The following MTUS1 variants were observed in gnomAD, a reference collection of about 807,000 sequenced individuals.
MTUS1 encodes the protein microtubule associated scaffold protein 1.
Under a neutral mutation model 120.8 loss-of-function variants are expected in MTUS1, and 109 were observed. The observed-to-expected ratio is 0.90, with a 90% CI of 0.77 to 1.06. The LOEUF is 1.06. MTUS1 is among the 50% of genes least tolerant of loss of function. The pLI, the probability that MTUS1 is intolerant of heterozygous loss-of-function variation, is 0.00. For synonymous variants in MTUS1, 737 were observed against 550.5 expected (o/e 1.34, Z -4.74); for missense variants, 2,210 against 1,486.3 (o/e 1.49, Z -8.01).
chr8:17,711,316 CT>C (rs1461145482), intron 6 of MTUS1, among the ~76,000 whole-genome samples: 1 of 152,214 alleles, frequency 6.6e-6, no homozygotes, highest in Non-Finnish European at 1.5e-5. Context: ...GTGTAGCCAC[CT>C]TTATCAAATG....
chr8:17,773,862 G>T (rs1172615553), intron 1 of MTUS1, among the ~76,000 whole-genome samples: 1 of 152,090 alleles, frequency 6.6e-6, no homozygotes, highest in Non-Finnish European at 1.5e-5. Context: ...CTTGGACACA[G>T]ATCTACACAT....
intron 7 of MTUS1, among the ~76,000 whole-genome samples, chr8:17,680,841 G>T (rs79810369): frequency 0.029 from 4,489 of 152,254 alleles, 163 homozygotes; most frequent in South Asian, 0.15. Flanking sequence ...CATGAAGGAA[G>T]GGTGGACTCC....
chr8:17,742,821 A>C (rs2047441749), intron 3 of MTUS1, among the ~76,000 whole-genome samples: 1 of 152,148 alleles, frequency 6.6e-6, no homozygotes, highest in Admixed American at 6.5e-5. Context: ...AAACATTCTC[A>C]CGTGTGTGGA....
At chr8:17,669,915 G>T (rs1329145541) in intron 8 of MTUS1, among the ~76,000 whole-genome samples, 1 of 152,198 alleles carries the variant, frequency 6.6e-6, no homozygotes, top group Non-Finnish European at 1.5e-5. Context: ...GATCCTGGCC[G>T]CAAGTGGAGT....
intron 6 of MTUS1, chr8:17,692,050 G>C (rs1020323851): frequency 6.6e-6 from 1 of 152,120 alleles, no homozygotes; most frequent in Non-Finnish European, 1.5e-5. Context: ...GCATAGAATA[G>C]AGAAAAAATA....
intron 7 of MTUS1, chr8:17,676,614 A>C: frequency 2.4e-6 from 1 of 416,574 alleles, no homozygotes; most frequent in Non-Finnish European, 4.2e-6. Flanking sequence ...CATTAGACTG[A>C]TCGATTGCCA....
At position 17,644,334 on chromosome 8, in the gene MTUS1, A is replaced by G. The variant is rs981655667; in HGVS notation, c.*1592T>C. On this transcript the variant is annotated 3_prime_UTR_variant, in exon 15 of 15. Coordinates refer to ENST00000693296, the MANE Select transcript of MTUS1 (RefSeq NM_001363059.2). Reference sequence around the variant, plus strand: ...TGTAGTGTACATGTAAATGACCCAAATATTCACCTCTAGCATCCTGAATCT... The same window carrying G: ...TGTAGTGTACATGTAAATGACCCAAGTATTCACCTCTAGCATCCTGAATCT... The G allele has an allele frequency of 2.0e-5, 3 of 152,656 alleles. No individual in the cohort carries two copies. Among genetic ancestry groups the G allele is most frequent in the African/African-American group, 7.2e-5 (3 of 41,452 alleles). The allele number at this position is 152,656 out of a possible 1,614,324, so 9.5% of individuals were successfully genotyped here.
intron 4 of MTUS1, among the ~76,000 whole-genome samples, chr8:17,720,269 C>T (rs1292390724): frequency 1.3e-5 from 2 of 151,252 alleles, no homozygotes; most frequent in East Asian, 2.0e-4. Flanking sequence ...TGCTTGAACC[C>T]GGGAGGCAGA....
chr8:17,700,570 C>T (rs1323199421), intron 6 of MTUS1, among the ~76,000 whole-genome samples: 1 of 150,244 alleles, frequency 6.7e-6, no homozygotes, highest in Non-Finnish European at 1.5e-5. Flanking sequence ...AGGATCTCAA[C>T]ATTAAACAAA....
intron 1 of MTUS1, among the ~76,000 whole-genome samples, chr8:17,772,904 G>A (rs2050123805): frequency 6.6e-6 from 1 of 152,144 alleles, no homozygotes; most frequent in Non-Finnish European, 1.5e-5. Flanking sequence ...AAGACTTGAA[G>A]ATTATATAAC....
chr8:17,771,617 A>G (rs1324153721), intron 1 of MTUS1, among the ~76,000 whole-genome samples: 1 of 152,224 alleles, frequency 6.6e-6, no homozygotes, highest in African/African-American at 2.4e-5. Flanking sequence ...AGATTGTCTG[A>G]ATCAGACACC....
intron 8 of MTUS1, among the ~76,000 whole-genome samples, chr8:17,657,319 A>G (rs983555993): frequency 2.0e-5 from 3 of 151,774 alleles, no homozygotes; most frequent in African/African-American, 4.8e-5. Flanking sequence ...CTGTAATCCC[A>G]GCACTTTGGG....
At chr8:17,752,708 T>A (rs1036422921) in intron 2 of MTUS1, among the ~76,000 whole-genome samples, 3 of 152,252 alleles carry the variant, frequency 2.0e-5, no homozygotes, top group African/African-American at 7.2e-5. Context: ...TCATTCCTCT[T>A]GCCACGAGCC....
intron 6 of MTUS1, among the ~76,000 whole-genome samples, chr8:17,709,321 A>G (rs1020571422): frequency 3.9e-5 from 6 of 152,090 alleles, no homozygotes; most frequent in Non-Finnish European, 8.8e-5. Context: ...CCTCTTGCCC[A>G]GGTTTCCCTC....
At chr8:17,721,829 G>C in intron 4 of MTUS1, 1 of 1,614,134 alleles carries the variant, frequency 6.2e-7, no homozygotes, top group Non-Finnish European at 8.5e-7. Flanking sequence ...GGTGGGGTGA[G>C]TGTAGAATTG....
At position 17,699,116 on chromosome 8, in the gene MTUS1, G is replaced by C. The variant is rs7008214; in HGVS notation, c.2623+14098C>G. 8.8e-3 allele frequency among the ~76,000 whole-genome samples: 1,341 copies of C among 152,216 alleles called. 23 individuals carry two copies. Among genetic ancestry groups the C allele is most frequent in the African/African-American group, 0.03 (1,256 of 41,512 alleles). ...TCAAATTTTGCCATGATTAAAAACAGACATGCCACCACTCCATATAGTAGG... is the reference window on the plus strand; with the variant it reads ...TCAAATTTTGCCATGATTAAAAACACACATGCCACCACTCCATATAGTAGG... On this transcript the variant is annotated intron_variant, in intron 6 of 14. Coordinates refer to ENST00000693296, the MANE Select transcript of MTUS1 (RefSeq NM_001363059.2).
In MTUS1 at chr8:17,684,274, C is replaced by T. The variant is rs1332651176; in HGVS notation, c.2838+54G>A. ...AGGCCAGCGTGTGAGCAAGTCCTCC[C>T]CGTGCTCCCCCGACCTCAAGTAGAA... On this transcript the variant is annotated intron_variant, in intron 7 of 14. Coordinates refer to ENST00000693296, the MANE Select transcript of MTUS1 (RefSeq NM_001363059.2). 3.0e-6 allele frequency: 4 copies of T among 1,343,620 alleles called. No homozygotes were observed. The Admixed American group carries it at 5.0e-5, about 17-fold the overall frequency. 83.2% of individuals were successfully genotyped at this position (1,343,620 alleles called of 1,614,324 possible). A position where few individuals can be genotyped will look rare whatever the true frequency, so the allele number is the denominator to read the frequency against.
chr8:17,658,193 C>A (rs116125247), intron 8 of MTUS1, among the ~76,000 whole-genome samples: 1 of 152,008 alleles, frequency 6.6e-6, no homozygotes, highest in African/African-American at 2.4e-5. Context: ...CATGCCACCA[C>A]GACCAGCTAA....
intron 3 of MTUS1, among the ~76,000 whole-genome samples, chr8:17,735,063 C>G (rs564983840): frequency 6.6e-6 from 1 of 152,116 alleles, no homozygotes; most frequent in East Asian, 1.9e-4. Context: ...AGACCACAGG[C>G]GGGAGCCACT....
Sources: allele counts gnomAD v4.1 joint callset (sites outside exome capture counted in the v4.1 genomes callset), GRCh38; gene constraint gnomAD v4.1.1; transcripts MANE v1.5; gene names NCBI Gene and HGNC (gene_info 2026-07-23, HGNC 2026-07-21).